The following P3H1 variants were observed in gnomAD, a reference collection of about 807,000 sequenced individuals.
P3H1 encodes prolyl 3-hydroxylase 1.
A neutral mutation model predicts 84.0 loss-of-function variants in P3H1; 69 were observed. The observed-to-expected ratio is 0.82, with a 90% confidence interval of 0.68 to 1.00. The LOEUF (loss-of-function observed/expected upper bound fraction) is 1.00. Ranked by LOEUF, P3H1 falls within the 50% of genes least tolerant of loss-of-function variation. P3H1 has a pLI of 0.00. For missense variants in P3H1, 878 were observed against 962.8 expected, an observed-to-expected ratio of 0.91 and a Z score of 1.17; for synonymous variants, 366 against 388.8, an observed-to-expected ratio of 0.94 and a Z score of 0.69.
At chr1:42,747,446 G>A in intron 13 of P3H1, 34 bp from the exon 14 acceptor site, 1 of 1,589,552 alleles carries the variant, frequency 6.3e-7, no homozygotes. Context: ...GGGTTGCACA[G>A]GACAAAGACT....
rs1022591100 is a variant in P3H1 at position 42,766,855 on chromosome 1, G to T, written c.117C>A (p.Phe39Leu). ...GCGCGTAGGCTGCGGTCCCCTCGGC[G>T]AAGAGCAGATCAGGCGTCACCATGC... ...GWGMVTPDLLFAEGTAAYARG... is the reference protein window; with the variant it reads ...GWGMVTPDLLLAEGTAAYARG... The change falls in exon 1 of 15, where the codon TTC becomes TTA. Residue 39 changes from phenylalanine to leucine, a missense_variant. Physicochemically the swap from Phe to Leu is conservative, Grantham distance 22 (BLOSUM62 0). Transcript: ENST00000296388. The T allele has an allele frequency of 1.2e-6, 2 of 1,606,518 alleles. No homozygotes were observed.
chr1:42,754,432 A>G lies in P3H1; in HGVS notation c.1345+437T>C, dbSNP rs139961432. Among the ~76,000 whole-genome samples the G allele has an allele frequency of 2.2e-4, 34 of 152,240 alleles. No homozygotes were observed. Among genetic ancestry groups the G allele is most frequent in the Non-Finnish European group, 3.8e-4 (26 of 68,008 alleles). On this transcript the variant is annotated intron_variant, in intron 8 of 14. Coordinates refer to ENST00000296388, the MANE Select transcript of P3H1 (RefSeq NM_022356.4). The surrounding 1 kb of genome is among the most constrained non-coding windows in gnomAD (Gnocchi z 4.0). ...CGAATGGTGAAAACCGGGAGAAAAC[A>G]GTTTGGGAGTGGGGAGACAGGATGA...
At chr1:42,753,382 C>T (rs899088861) in intron 8 of P3H1, among the ~76,000 whole-genome samples, 1 of 152,166 alleles carries the variant, frequency 6.6e-6, no homozygotes, top group Admixed American at 6.5e-5. Context: ...GTCAACATTT[C>T]TCTCTTACAG....
chr1:42,766,931 G>A lies in P3H1; in HGVS notation c.41C>T (p.Ala14Val), dbSNP rs368402870. The change falls in exon 1 of 15, where the codon GCT (alanine) becomes GTT (valine). Residue 14 changes from alanine to valine, a missense_variant. By Grantham distance (64) the Ala-to-Val change is moderately conservative (BLOSUM62 0). Coordinates refer to ENST00000296388, the MANE Select transcript of P3H1 (RefSeq NM_022356.4). The stretch of plus-strand genomic sequence containing the variant: ...GGCTTGGGAGGCAGCGGCCACGACA[G>A]CCAGCAGTGTGGTCAGCAGCTTCAA... ...RALKLLTTLL[A>V]VVAAASQAEV... The A allele has an allele frequency of 1.2e-6, 2 of 1,609,480 alleles. No individual in the cohort carries two copies. The highest frequency in any genetic ancestry group is 3.3e-5 in the Admixed American group (2 of 60,020).
chr1:42,767,001 C>T lies in P3H1; in HGVS notation c.-30G>A. ...CCCTCAGACCTAACGGAACCGCCAGCCACCCGCCACCAAGGCCGGAGTCCT... is the reference window on the plus strand; with the variant it reads ...CCCTCAGACCTAACGGAACCGCCAGTCACCCGCCACCAAGGCCGGAGTCCT... On this transcript the variant is annotated 5_prime_UTR_variant, in exon 1 of 15. Transcript: ENST00000296388. 1.9e-6 allele frequency: 3 copies of T among 1,598,402 alleles called. No individual in the cohort carries two copies. Among genetic ancestry groups the T allele is most frequent in the Non-Finnish European group, 2.5e-6 (3 of 1,177,278 alleles).
intron 8 of P3H1, among the ~76,000 whole-genome samples, chr1:42,753,480 C>T (rs1470081120): frequency 6.6e-6 from 1 of 152,110 alleles, no homozygotes; most frequent in African/African-American, 2.4e-5. Context: ...CAGTGTGTAC[C>T]AGGAACTGTG....
chr1:42,747,958 C>T (rs896581161), intron 12 of P3H1, among the ~76,000 whole-genome samples, 160 bp from the exon 13 acceptor site: 1 of 152,188 alleles, frequency 6.6e-6, no homozygotes, highest in East Asian at 1.9e-4. Context: ...CACCTTTCCA[C>T]TCTCCACCCT....
intron 1 of P3H1, among the ~76,000 whole-genome samples, chr1:42,765,233 TTCTC>T (rs372485872): frequency 1.3e-4 from 20 of 152,248 alleles, no homozygotes; most frequent in African/African-American, 4.3e-4. Flanking sequence ...GGTTCTACTT[TTCTC>T]TCTATCTGGA....
At chr1:42,765,102 A>T (rs755713550) in intron 1 of P3H1, among the ~76,000 whole-genome samples, 2 of 152,236 alleles carry the variant, frequency 1.3e-5, no homozygotes, top group Non-Finnish European at 2.9e-5. Context: ...TGCAGTCCGC[A>T]GAATTCTCTT....
Position 42,750,215 on chromosome 1 carries a change from G to C in P3H1, c.1691C>G (p.Ser564Cys), listed in dbSNP as rs539540546. Residue 564 changes from serine (S) to cysteine (C), a missense_variant, in exon 11 of 15, where the codon TCT (serine) becomes TGT (cysteine). By Grantham distance (112) the Ser-to-Cys change is moderately radical (BLOSUM62 -1). Coordinates refer to ENST00000296388, the MANE Select transcript of P3H1 (RefSeq NM_022356.4). The part of the protein sequence containing the change: ...RLDTPLYFSY[S>C]HLVCRTAIEE... ...GATGGCAGTGCGGCACACCAGATGA[G>C]AGTAGGAAAAGTAGAGGGGCGTATC... 3.7e-6 allele frequency: 6 copies of C among 1,613,566 alleles called. No homozygotes were observed. Among genetic ancestry groups the C allele is most frequent in the Non-Finnish European group, 3.4e-6 (4 of 1,179,808 alleles).
At chr1:42,751,405 T>C (rs1652066200) in intron 10 of P3H1, among the ~76,000 whole-genome samples, 1 of 117,904 alleles carries the variant, frequency 8.5e-6, no homozygotes, top group Admixed American at 9.2e-5. Context: ...CTCCCTAATC[T>C]TAAGTACCCA....
intron 6 of P3H1, 50 bp downstream of exon 6, chr1:42,755,498 T>A: frequency 6.9e-7 from 1 of 1,458,554 alleles, no homozygotes; most frequent in Non-Finnish European, 9.6e-7. Context: ...CATTCATCTC[T>A]CCTGCTCACT....
rs1557562336 is a variant in P3H1 at position 42,750,247 on chromosome 1, G to C, written c.1659C>G (p.Phe553Leu). 1 of 1,613,950 alleles carries C rather than the reference G, an allele frequency of 6.2e-7. No homozygotes were observed. The highest frequency in any genetic ancestry group is 1.7e-5 in the Admixed American group (1 of 59,972). ...AAAAGTAGAGGGGCGTATCCAGGCG[G>C]AAGTAGGACTCCATGATGCGCCGCA... Reference protein sequence around the residue: ...EKVRRIMESYFRLDTPLYFSY... With the variant: ...EKVRRIMESYLRLDTPLYFSY... The change falls in exon 11 of 15, where the codon TTC (phenylalanine) becomes TTG (leucine). Residue 553 changes from phenylalanine (F) to leucine (L), a missense_variant. Physicochemically the swap from Phe to Leu is conservative, Grantham distance 22 (BLOSUM62 0). Coordinates refer to ENST00000296388, the MANE Select transcript of P3H1 (RefSeq NM_022356.4).
chr1:42,763,077 C>A (rs1490911427), intron 1 of P3H1, among the ~76,000 whole-genome samples: 13 of 150,694 alleles, frequency 8.6e-5, no homozygotes, highest in Non-Finnish European at 1.0e-4. Context: ...ACAGCAGGAC[C>A]CTGACTCAAA....
chr1:42,757,307 T>C (rs1652452842), intron 5 of P3H1, among the ~76,000 whole-genome samples: 2 of 152,082 alleles, frequency 1.3e-5, no homozygotes. Context: ...TATACAGATA[T>C]TTCTCCTGGT....
chr1:42,746,479 C>T lies in P3H1; in HGVS notation c.*218G>A. 1 of 593,508 alleles carries T rather than the reference C, an allele frequency of 1.7e-6. No individual in the cohort carries two copies. The highest frequency in any genetic ancestry group is 2.8e-5 in the East Asian group (1 of 35,910). The allele number at this position is 593,508 out of a possible 1,614,324, so 36.8% of individuals were successfully genotyped here. On this transcript the variant is annotated 3_prime_UTR_variant, in exon 15 of 15. Transcript: ENST00000296388. ...TGGAGGCCCCTGGGGGTGGCTGGGC[C>T]TGTGTCCTGAGCCCTCAGCCAGATC...
intron 3 of P3H1, 78 bp downstream of exon 3, chr1:42,759,123 T>C: frequency 2.6e-6 from 4 of 1,568,514 alleles, no homozygotes; most frequent in Non-Finnish European, 3.5e-6. Context: ...GGGTGAAGAG[T>C]CCCCATTTAT....
chr1:42,747,843 C>T, intron 12 of P3H1, 45 bp from the exon 13 acceptor site: 3 of 1,581,542 alleles, frequency 1.9e-6, no homozygotes, highest in Non-Finnish European at 2.6e-6. Context: ...CCCTGCCTCC[C>T]TTTCCCCTGA....
chr1:42,751,572 AAAATAAATAAATAAAT>A (rs890072325), intron 10 of P3H1: 4 of 141,968 alleles, frequency 2.8e-5, no homozygotes, highest in Non-Finnish European at 4.5e-5. Context: ...CAATAAAAAA[AAAATAAATAAATAAAT>A]AAATAAATAA....
Sources: gnomAD v4.1 joint callset for allele counts (sites outside exome capture counted in the v4.1 genomes callset) on GRCh38, gnomAD v4.1.1 for gene constraint, Gnocchi (gnomAD v3.1) non-coding constraint, MANE v1.5 for transcripts, NCBI Gene and HGNC (gene_info 2026-07-23, HGNC 2026-07-21) for gene names.